CWF19L1: variants seen among roughly 807,000 people sequenced by gnomAD.
CWF19L1 encodes the protein CWF19-like protein 1.
Under a neutral mutation model 69.7 loss-of-function variants are expected in CWF19L1, and 60 were observed. The ratio of observed to expected loss-of-function variants is 0.86; its 90% confidence interval spans 0.70 to 1.07. CWF19L1 has a LOEUF of 1.07. Ranked by LOEUF, CWF19L1 falls within the 50% of genes least tolerant of loss-of-function variation. The pLI, the probability that CWF19L1 is intolerant of heterozygous loss-of-function variation, is 0.00. For synonymous variants in CWF19L1, 209 were observed against 222.2 expected (o/e 0.94, Z 0.53); for missense variants, 591 against 638.9 (o/e 0.92, Z 0.81).
At chr10:100,266,976 G>C (rs1246996127) in intron 1 of CWF19L1, among the ~76,000 whole-genome samples, 1 of 151,784 alleles carries the variant, frequency 6.6e-6, no homozygotes, top group Non-Finnish European at 1.5e-5. Flanking sequence ...CACCGCGCCC[G>C]GCCCATTATC....
At chr10:100,234,626 T>C (rs1846374891) in intron 13 of CWF19L1, among the ~76,000 whole-genome samples, 2 of 152,318 alleles carry the variant, frequency 1.3e-5, no homozygotes, top group South Asian at 4.1e-4. Context: ...GGAGGCTTTC[T>C]GAATTAGTCC....
At chr10:100,248,139 T>C in intron 7 of CWF19L1, 1 of 553,124 alleles carries the variant, frequency 1.8e-6, no homozygotes, top group Non-Finnish European at 3.3e-6. Flanking sequence ...GAAAGGGCAA[T>C]TAAAAGAAAA....
chr10:100,267,450 G>A (rs1011145427), intron 1 of CWF19L1, 121 bp downstream of exon 1: 11 of 1,593,912 alleles, frequency 6.9e-6, no homozygotes, highest in Non-Finnish European at 9.4e-6. Context: ...CTCCCCAGCA[G>A]CCCCGTGTCT....
intron 6 of CWF19L1, among the ~76,000 whole-genome samples, chr10:100,252,805 C>G (rs1285284916): frequency 6.7e-6 from 1 of 149,068 alleles, no homozygotes; most frequent in African/African-American, 2.5e-5. Flanking sequence ...CACTGCACTC[C>G]AGCCAGGTGA....
At chr10:100,265,912 C>T (rs942260438) in intron 1 of CWF19L1, among the ~76,000 whole-genome samples, 1 of 152,182 alleles carries the variant, frequency 6.6e-6, no homozygotes, top group East Asian at 1.9e-4. Context: ...AGTAACTTGA[C>T]GTACAGCTAT....
chr10:100,261,111 A>AT lies in CWF19L1; in HGVS notation c.109-68dup, dbSNP rs1847385460. 11 of 982,028 alleles carry AT rather than the reference A, an allele frequency of 1.1e-5. No homozygotes were observed. The East Asian group carries it at 2.8e-4, about 25-fold the overall frequency. 60.8% of individuals were successfully genotyped at this position (982,028 alleles called of 1,614,324 possible). On this transcript the variant is annotated intron_variant, in intron 2 of 13. Transcript: ENST00000354105. ...ATCAAACAGTACATAATTGATAGTAATATTCAACTAGTTATTTAATAGTTT... is the reference window on the plus strand; with the variant it reads ...ATCAAACAGTACATAATTGATAGTAATTATTCAACTAGTTATTTAATAGTTT...
At chr10:100,249,540 A>AG (rs1394448218) in intron 7 of CWF19L1, among the ~76,000 whole-genome samples, 1 of 152,100 alleles carries the variant, frequency 6.6e-6, no homozygotes, top group East Asian at 1.9e-4. Flanking sequence ...GATTTCCCTC[A>AG]GGAAATCTTA....
chr10:100,235,571 G>A (rs535551030), intron 13 of CWF19L1, 96 bp downstream of exon 13: 2 of 811,862 alleles, frequency 2.5e-6, no homozygotes, highest in African/African-American at 3.4e-5. Flanking sequence ...GGCAAGGACT[G>A]TTTACAATTT....
intron 13 of CWF19L1, among the ~76,000 whole-genome samples, chr10:100,235,319 A>C (rs946150890): frequency 2.6e-5 from 4 of 152,226 alleles, no homozygotes; most frequent in African/African-American, 9.6e-5. Flanking sequence ...TATGTGCTCA[A>C]TTAAAGTTCC....
chr10:100,258,132 G>C (rs1477830826), intron 4 of CWF19L1, among the ~76,000 whole-genome samples: 1 of 152,170 alleles, frequency 6.6e-6, no homozygotes, highest in African/African-American at 2.4e-5. Context: ...CAGCTACTCA[G>C]GAGGCTGAGG....
Position 100,236,356 on chromosome 10 carries a change from G to A in CWF19L1, c.1374+494C>T, listed in dbSNP as rs912511064. On this transcript the variant is annotated intron_variant, in intron 12 of 13. Transcript: ENST00000354105. ...ACTCCTGGCTTCAAGTGCTCCTCCC[G>A]CCTCAGCCTCCCAAAGTGTTGGATT... Among the ~76,000 whole-genome samples the A allele has an allele frequency of 9.2e-5, 14 of 151,938 alleles. No individual in the cohort carries two copies. In the East Asian group the frequency reaches 2.3e-3, roughly 25 times the overall value.
chr10:100,247,547 T>C (rs561928897), intron 7 of CWF19L1, among the ~76,000 whole-genome samples: 1 of 152,340 alleles, frequency 6.6e-6, no homozygotes, highest in South Asian at 2.1e-4. Context: ...ATTAGGGAAA[T>C]GCAACTAAGT....
At chr10:100,253,358 A>T (rs1053633514) in intron 6 of CWF19L1, 63 bp downstream of exon 6, 2 of 962,342 alleles carry the variant, frequency 2.1e-6, no homozygotes, top group Non-Finnish European at 3.3e-6. Context: ...GAACAAGAGA[A>T]GTTTATACAG....
intron 5 of CWF19L1, among the ~76,000 whole-genome samples, chr10:100,255,395 A>T (rs939724109): frequency 1.3e-5 from 2 of 152,038 alleles, no homozygotes; most frequent in Non-Finnish European, 2.9e-5. Flanking sequence ...CTGTAATCCC[A>T]GCATTTTGGG....
At chr10:100,239,442 C>G (rs1846567019) in intron 10 of CWF19L1, among the ~76,000 whole-genome samples, 1 of 152,156 alleles carries the variant, frequency 6.6e-6, no homozygotes, top group Non-Finnish European at 1.5e-5. Flanking sequence ...AGTTCAAGAC[C>G]AGCCTGGCCA....
Position 100,233,314 on chromosome 10 carries a change from C to G in CWF19L1, c.1530G>C (p.Gln510His). 6.2e-7 allele frequency: 1 copy of G among 1,614,002 alleles called. No individual in the cohort carries two copies. Among genetic ancestry groups the G allele is most frequent in the East Asian group, 2.2e-5 (1 of 44,880 alleles). The change falls in exon 14 of 14, where the codon CAG (glutamine) becomes CAC (histidine). Residue 510 changes from glutamine to histidine, a missense_variant. By Grantham distance (24) the Gln-to-His change is conservative (BLOSUM62 0). Transcript: ENST00000354105. The part of the protein sequence containing the change: ...LNVPDKSDWR[Q>H]CQISKEDEET... ...CCTCGTCTTCCTTGCTGATCTGACA[C>G]TGCCTCCAGTCAGACTTATCAGGAA...
At position 100,267,442 on chromosome 10, in the gene CWF19L1, C is replaced by A. The variant is rs560651384; in HGVS notation, c.23+129G>T. 43 of 1,583,492 alleles carry A rather than the reference C, an allele frequency of 2.7e-5. No homozygotes were observed. The East Asian group carries it at 8.4e-4, about 31-fold the overall frequency. On this transcript the variant is annotated intron_variant, in intron 1 of 13. Coordinates refer to ENST00000354105, the MANE Select transcript of CWF19L1 (RefSeq NM_018294.6). ...GCCAGGCAAAGACATCACCTAAGCT[C>A]CCCAGCAGCCCCGTGTCTCTCCGCC...
In CWF19L1 at chr10:100,236,916, G is replaced by A; in HGVS notation, c.1308C>T (p.Phe436=). The A allele has an allele frequency of 6.2e-7, 1 of 1,612,144 alleles. No individual in the cohort carries two copies. Among genetic ancestry groups the A allele is most frequent in the Non-Finnish European group, 8.5e-7 (1 of 1,179,012 alleles). ...TCTGCTGCTCCTGTGCCTGGGTAAT[G>A]AAGGCATCTTTAATGTCATCAGTAG... The part of the protein sequence containing the change: ...CSTTDDIKDA[F]ITQAQEQQIE... The change falls in exon 12 of 14, where the codon TTC becomes TTT. Residue 436 remains phenylalanine, a synonymous_variant. Transcript: ENST00000354105.
intron 6 of CWF19L1, 35 bp from the exon 7 acceptor site, chr10:100,250,367 A>G: frequency 7.2e-7 from 1 of 1,391,078 alleles, no homozygotes; most frequent in South Asian, 1.2e-5. Context: ...AATTGCAAAC[A>G]ATTTTACTTT....
Sources: allele counts gnomAD v4.1 joint callset (sites outside exome capture counted in the v4.1 genomes callset), GRCh38; gene constraint gnomAD v4.1.1; transcripts MANE v1.5; gene names NCBI Gene and HGNC (gene_info 2026-07-23, HGNC 2026-07-21).